Variants in MPRIP observed in about 807,000 individuals in gnomAD.
MPRIP encodes myosin phosphatase Rho-interacting protein.
Under a neutral mutation model 234.9 loss-of-function variants are expected in MPRIP, and 59 were observed. The ratio of observed to expected loss-of-function variants is 0.25; its 90% CI spans 0.20 to 0.31. The LOEUF (loss-of-function observed/expected upper bound fraction) is 0.31. Ranked by LOEUF, MPRIP falls within the 10% of genes least tolerant of loss-of-function variation. The pLI is 1.00. For missense variants in MPRIP, 2,436 were observed against 3,071.0 expected, an observed-to-expected ratio of 0.79 and a Z score of 4.89; for synonymous variants, 1,144 against 1,263.9, an observed-to-expected ratio of 0.91 and a Z score of 2.01.
In MPRIP at chr17:17,165,735, A is replaced by G; in HGVS notation, c.4144A>G (p.Ile1382Val). 3.1e-6 allele frequency: 4 copies of G among 1,304,912 alleles called. No individual in the cohort carries two copies. Among genetic ancestry groups the G allele is most frequent in the Non-Finnish European group, 4.0e-6 (4 of 988,978 alleles). The allele number at this position is 1,304,912 out of a possible 1,614,324, so 80.8% of individuals were successfully genotyped here. Residue 1382 changes from isoleucine to valine, a missense_variant, in exon 16 of 24, where the codon ATC becomes GTC. Physicochemically the swap from Ile to Val is conservative, Grantham distance 29. Coordinates refer to ENST00000651222, the MANE Select transcript of MPRIP (RefSeq NM_001364716.4). ...ATGDSDTYLS[I>V]IHSLETKLYV... ...TGGCGACTCTGACACGTACCTCTCC[A>G]TCATCCACTCCCTGGAGACCAAGCT...
intron 10 of MPRIP, 135 bp downstream of exon 10, chr17:17,146,227 G>A (rs2045462220): frequency 1.3e-6 from 1 of 776,304 alleles, no homozygotes; most frequent in Non-Finnish European, 2.1e-6. Flanking sequence ...CATGACCAGG[G>A]CTGTGGCTGA....
rs2046515103 is a variant in MPRIP, at chr17:17,188,219, C to G, written c.*3325C>G. 1 of 152,314 alleles carries G rather than the reference C, an allele frequency of 6.6e-6. No individual in the cohort carries two copies. The highest frequency in any genetic ancestry group is 1.5e-5 in the Non-Finnish European group (1 of 68,090). 9.4% of individuals were successfully genotyped at this position (152,314 alleles called of 1,614,324 possible). A position where few individuals can be genotyped will look rare whatever the true frequency, so the allele number is the denominator to read the frequency against. ...GCAGGGGTGGAGACAGTGCGCTGCC[C>G]TCTGAGCTGGAAGCCTGTGCTTCAG... On this transcript the variant is annotated 3_prime_UTR_variant, in exon 24 of 24. Coordinates refer to ENST00000651222, the MANE Select transcript of MPRIP (RefSeq NM_001364716.4).
At chr17:17,083,593 C>T (rs2089516366) in intron 3 of MPRIP, among the ~76,000 whole-genome samples, 1 of 152,060 alleles carries the variant, frequency 6.6e-6, no homozygotes, top group South Asian at 2.1e-4. Context: ...TTTGAGGTTT[C>T]TCTCCCTTTT....
At chr17:17,113,560 G>A (rs1405339858) in intron 3 of MPRIP, among the ~76,000 whole-genome samples, 1 of 152,198 alleles carries the variant, frequency 6.6e-6, no homozygotes, top group Non-Finnish European at 1.5e-5. Flanking sequence ...GGACACTGGA[G>A]CTGCTTCCAT....
At chr17:17,090,137 T>G (rs1193520634) in intron 3 of MPRIP, among the ~76,000 whole-genome samples, 1 of 152,110 alleles carries the variant, frequency 6.6e-6, no homozygotes, top group Non-Finnish European at 1.5e-5. Context: ...ACAGGCATGG[T>G]GTTGCAGACC....
At chr17:17,159,672 G>T (rs2045819506) in intron 14 of MPRIP, among the ~76,000 whole-genome samples, 1 of 152,278 alleles carries the variant, frequency 6.6e-6, no homozygotes, top group Non-Finnish European at 1.5e-5. Flanking sequence ...CCAGTCTGCA[G>T]AACTTCAGTG....
chr17:17,119,986 G>A (rs559990815), intron 3 of MPRIP, among the ~76,000 whole-genome samples: 1 of 152,230 alleles, frequency 6.6e-6, no homozygotes, highest in Non-Finnish European at 1.5e-5. Flanking sequence ...GTGGGGGGAA[G>A]TCAGGTTTCA....
chr17:17,149,029 A>G (rs147086936), intron 11 of MPRIP, among the ~76,000 whole-genome samples: 1 of 152,334 alleles, frequency 6.6e-6, no homozygotes, highest in East Asian at 1.9e-4. Context: ...GTGCATAACA[A>G]TATTTTCCAT....
intron 9 of MPRIP, among the ~76,000 whole-genome samples, chr17:17,145,261 A>G (rs1473226540): frequency 6.6e-6 from 1 of 151,768 alleles, no homozygotes; most frequent in Non-Finnish European, 1.5e-5. Context: ...TCTCACTCTC[A>G]CTCCTTGGAA....
intron 5 of MPRIP, among the ~76,000 whole-genome samples, chr17:17,132,880 A>T (rs1027247026): frequency 2.6e-5 from 4 of 152,238 alleles, no homozygotes; most frequent in Non-Finnish European, 5.9e-5. Context: ...AGCAGTTAAT[A>T]CGTAAATCCC....
At chr17:17,068,219 C>T (rs373864423) in intron 1 of MPRIP, among the ~76,000 whole-genome samples, 11 of 151,922 alleles carry the variant, frequency 7.2e-5, no homozygotes, top group East Asian at 5.8e-4. Context: ...GGAGCGATCT[C>T]GGCTCACTGC....
intron 1 of MPRIP, chr17:17,057,495 C>T (rs143962720): frequency 3.1e-4 from 210 of 671,242 alleles, no homozygotes; most frequent in Admixed American, 5.0e-4. Context: ...CTTCCCAGTG[C>T]TAGGTGCTGG....
intron 3 of MPRIP, among the ~76,000 whole-genome samples, chr17:17,108,330 G>T (rs1411652583): frequency 6.6e-6 from 1 of 152,206 alleles, no homozygotes; most frequent in Non-Finnish European, 1.5e-5. Context: ...ACTTAATACA[G>T]CTGGGTGGCC....
chr17:17,161,037 A>G (rs2045851725), intron 14 of MPRIP, among the ~76,000 whole-genome samples: 2 of 152,328 alleles, frequency 1.3e-5, no homozygotes, highest in South Asian at 4.1e-4. Context: ...TAAGGTACCA[A>G]GTCTGCCATT....
chr17:17,146,041 CCTG>C lies in MPRIP; in HGVS notation c.1513_1515del (p.Leu505del). The C allele has an allele frequency of 1.2e-6, 2 of 1,614,024 alleles. No individual in the cohort carries two copies. Among genetic ancestry groups the C allele is most frequent in the Non-Finnish European group, 1.7e-6 (2 of 1,179,984 alleles). On this transcript the variant is annotated inframe_deletion, in exon 10 of 24. Transcript: ENST00000651222. ...CTTTTTTCTCCCTTTCTCAGCCCGA[CCTG>C]CTGAATTTCAAGAAAGGCTGGCTGA...
intron 1 of MPRIP, among the ~76,000 whole-genome samples, chr17:17,049,970 C>T (rs1487312819): frequency 2.6e-5 from 4 of 152,152 alleles, no homozygotes; most frequent in Admixed American, 1.3e-4. Context: ...GGGCGGATCA[C>T]GAGGTCAGGA....
chr17:17,180,614 T>C (rs1168559975), intron 23 of MPRIP: 1 of 1,613,864 alleles, frequency 6.2e-7, no homozygotes, highest in African/African-American at 1.3e-5. Context: ...CAGTCCGTAA[T>C]TGAGCAGGTC....
rs377194150 is a variant in MPRIP at position 17,083,081 on chromosome 17, C to T, written c.267+5005C>T. On this transcript the variant is annotated intron_variant, in intron 3 of 23. Coordinates refer to ENST00000651222, the MANE Select transcript of MPRIP (RefSeq NM_001364716.4). ...GGGCCGGCCTCCATGGTGTGGAGCT[C>T]TGCTCCATCCTAGCCTGGAGAGTCC... Among the ~76,000 whole-genome samples the T allele has an allele frequency of 3.1e-4, 47 of 152,210 alleles. 1 individual carries two copies. The highest frequency in any genetic ancestry group is 6.2e-4 in the Non-Finnish European group (42 of 68,040).
chr17:17,111,225 CAAAAAAAAA>C (rs55714262), intron 3 of MPRIP, among the ~76,000 whole-genome samples: 26 of 86,548 alleles, frequency 3.0e-4, no homozygotes, highest in African/African-American at 1.2e-3. Flanking sequence ...GGGGTAGTCC[CAAAAAAAAA>C]AAAAAAAAAA....
Sources: allele counts gnomAD v4.1 joint callset (sites outside exome capture counted in the v4.1 genomes callset), GRCh38; gene constraint gnomAD v4.1.1; transcripts MANE v1.5; gene names NCBI Gene and HGNC (gene_info 2026-07-23, HGNC 2026-07-21).